PRTG: variants seen among roughly 807,000 people sequenced by gnomAD.
The protein encoded by PRTG is protogenin.
PRTG carries 67 observed loss-of-function variants against 122.5 expected under a neutral mutation model. The ratio of observed to expected loss-of-function variants is 0.55; its 90% confidence interval spans 0.45 to 0.67. PRTG has a LOEUF of 0.67. Among genes scored for constraint, PRTG ranks in the 30% least tolerant of loss-of-function variants. The pLI is 0.00. For synonymous variants in PRTG, 554 were observed against 501.1 expected, an observed-to-expected ratio of 1.11 and a Z score of -1.41; for missense variants, 1,435 against 1,415.4, an observed-to-expected ratio of 1.01 and a Z score of -0.22.
intron 2 of PRTG, among the ~76,000 whole-genome samples, 193 bp from the exon 3 acceptor site, chr15:55,684,124 T>C (rs1407213738): frequency 6.6e-6 from 1 of 152,252 alleles, no homozygotes; most frequent in Non-Finnish European, 1.5e-5. Context: ...TTACGAAGTC[T>C]GGTCTTTCCC....
At chr15:55,737,674 T>C (rs1360365653) in intron 2 of PRTG, among the ~76,000 whole-genome samples, 4 of 152,196 alleles carry the variant, frequency 2.6e-5, no homozygotes, top group Non-Finnish European at 1.5e-5. Context: ...TGTGAATTCC[T>C]AATTTACACA....
intron 2 of PRTG, among the ~76,000 whole-genome samples, chr15:55,709,857 G>A (rs946245774): frequency 1.3e-5 from 2 of 152,270 alleles, no homozygotes; most frequent in East Asian, 3.9e-4. Flanking sequence ...CGATGGGGAG[G>A]AGGGAGGGAC....
At chr15:55,641,288 T>C (rs2059289170) in intron 11 of PRTG, 80 bp from the exon 12 acceptor site, 3 of 1,093,340 alleles carry the variant, frequency 2.7e-6, no homozygotes, top group Non-Finnish European at 4.0e-6. Flanking sequence ...CTTTATAGAT[T>C]TTGGTTTAAA....
rs1411769188 is a variant in PRTG at position 55,615,314 on chromosome 15, T to C, written c.*4698A>G. 1 of 152,120 alleles carries C rather than the reference T, an allele frequency of 6.6e-6. No homozygotes were observed. The highest frequency in any genetic ancestry group is 1.9e-4 in the East Asian group (1 of 5,194). 9.4% of individuals were successfully genotyped at this position (152,120 alleles called of 1,614,324 possible). A position where few individuals can be genotyped will look rare whatever the true frequency, so the allele number is the denominator to read the frequency against. ...GTGTTATTTTAAGCCACCACCTTCA[T>C]GGTAATGTGTTACAGCAGCAATAGG... On this transcript the variant is annotated 3_prime_UTR_variant, in exon 20 of 20. Coordinates refer to ENST00000389286, the MANE Select transcript of PRTG (RefSeq NM_173814.6).
intron 19 of PRTG, among the ~76,000 whole-genome samples, 185 bp downstream of exon 19, chr15:55,620,478 T>A (rs2059160177): frequency 6.6e-6 from 1 of 152,204 alleles, no homozygotes; most frequent in South Asian, 2.1e-4. Flanking sequence ...ACAGCTCTGA[T>A]GACTATTCCA....
intron 17 of PRTG, among the ~76,000 whole-genome samples, chr15:55,624,901 G>C (rs1423557665): frequency 6.6e-6 from 1 of 152,106 alleles, no homozygotes; most frequent in Non-Finnish European, 1.5e-5. Flanking sequence ...AGTAATAAAT[G>C]TGCATAAATG....
intron 18 of PRTG, among the ~76,000 whole-genome samples, chr15:55,623,189 G>A (rs965568952): frequency 6.6e-6 from 1 of 152,086 alleles, no homozygotes; most frequent in Non-Finnish European, 1.5e-5. Context: ...GGGCCAGATC[G>A]TAACTATTTT....
chr15:55,657,706 A>C (rs945257641), intron 11 of PRTG, among the ~76,000 whole-genome samples: 12 of 152,182 alleles, frequency 7.9e-5, no homozygotes, highest in African/African-American at 2.9e-4. Flanking sequence ...GAAGTTTGTA[A>C]CTCAACTTAT....
At position 55,679,986 on chromosome 15, in the gene PRTG, A is replaced by G. The variant is rs28620386; in HGVS notation, c.973+68T>C. 8,987 of 1,251,928 alleles carry G rather than the reference A, an allele frequency of 7.2e-3. 277 individuals are homozygous for G. The African/African-American group carries it at 0.08, about 11-fold the overall frequency. The allele number at this position is 1,251,928 out of a possible 1,614,324, so 77.6% of individuals were successfully genotyped here. On this transcript the variant is annotated intron_variant, in intron 6 of 19. Coordinates refer to ENST00000389286, the MANE Select transcript of PRTG (RefSeq NM_173814.6). Reference sequence around the variant, plus strand: ...ACAAAGCTCAAGAAAGAAGTAAGCTATGAATGAGATAAAACGGCAAATGTT... The same window carrying G: ...ACAAAGCTCAAGAAAGAAGTAAGCTGTGAATGAGATAAAACGGCAAATGTT...
chr15:55,637,100 C>T (rs2059261650), intron 15 of PRTG, 70 bp downstream of exon 15: 1 of 1,201,432 alleles, frequency 8.3e-7, no homozygotes, highest in Non-Finnish European at 1.1e-6. Context: ...CTCTAGATTC[C>T]CCTTTCCTTT....
chr15:55,680,731 AAAC>A (rs1184878068), intron 4 of PRTG, 103 bp from the exon 5 acceptor site: 15 of 726,542 alleles, frequency 2.1e-5, no homozygotes, highest in Non-Finnish European at 2.4e-5. Flanking sequence ...TCTTTTTTTA[AAAC>A]AACTTTATTG....
chr15:55,710,436 C>T (rs2141853294), intron 2 of PRTG, among the ~76,000 whole-genome samples: 1 of 152,282 alleles, frequency 6.6e-6, no homozygotes, highest in South Asian at 2.1e-4. Flanking sequence ...TTTCTTCCCC[C>T]CAGGGAAAAG....
intron 11 of PRTG, among the ~76,000 whole-genome samples, chr15:55,648,807 C>A (rs999127538): frequency 2.0e-5 from 3 of 152,142 alleles, no homozygotes; most frequent in Non-Finnish European, 4.4e-5. Flanking sequence ...ACTTCAAAAA[C>A]CTCTGTATTG....
intron 11 of PRTG, among the ~76,000 whole-genome samples, chr15:55,664,191 G>A (rs1410848167): frequency 6.6e-6 from 1 of 152,034 alleles, no homozygotes; most frequent in Non-Finnish European, 1.5e-5. Flanking sequence ...GCCCAGGCTG[G>A]GGTGCAATGG....
Position 55,624,474 on chromosome 15 carries a change from T to C in PRTG, c.2961A>G (p.Gly987=), listed in dbSNP as rs1214172429. The C allele has an allele frequency of 6.2e-7, 1 of 1,613,846 alleles. No individual in the cohort carries two copies. Among genetic ancestry groups the C allele is most frequent in the Non-Finnish European group, 8.5e-7 (1 of 1,179,880 alleles). ...KSSASKTAQN[G]TQQLPRTSAS... ...CACTGGTACGAGGTAACTGTTGAGTTCCATTCTGTGCCGTCTTGGAAGCAG... is the reference window on the plus strand; with the variant it reads ...CACTGGTACGAGGTAACTGTTGAGTCCCATTCTGTGCCGTCTTGGAAGCAG... The change falls in exon 18 of 20, where the codon GGA becomes GGG. Residue 987 remains glycine (G), a synonymous_variant. Transcript: ENST00000389286.
intron 2 of PRTG, among the ~76,000 whole-genome samples, chr15:55,736,447 T>C (rs2031415825): frequency 6.6e-6 from 1 of 152,134 alleles, no homozygotes; most frequent in Admixed American, 6.6e-5. Context: ...TTTCAAAGAC[T>C]TGGTATTATA....
At chr15:55,673,288 A>T in intron 10 of PRTG, 83 bp downstream of exon 10, 1 of 998,212 alleles carries the variant, frequency 1.0e-6, no homozygotes, top group Non-Finnish European at 1.4e-6. Context: ...ACAAAATTTA[A>T]AAATATAAAC....
intron 11 of PRTG, among the ~76,000 whole-genome samples, chr15:55,663,689 C>T (rs1184078385): frequency 6.6e-6 from 1 of 151,886 alleles, no homozygotes; most frequent in African/African-American, 2.4e-5. Context: ...TTACAGGTAC[C>T]AGCCACCACG....
chr15:55,658,390 A>G (rs1360958485), intron 11 of PRTG, among the ~76,000 whole-genome samples: 1 of 151,164 alleles, frequency 6.6e-6, no homozygotes, highest in East Asian at 1.9e-4. Flanking sequence ...ATCTTGGCTC[A>G]TGGCAACCTC....
Sources: gnomAD v4.1 joint callset for allele counts (sites outside exome capture counted in the v4.1 genomes callset) on GRCh38, gnomAD v4.1.1 for gene constraint, MANE v1.5 for transcripts, NCBI Gene and HGNC (gene_info 2026-07-23, HGNC 2026-07-21) for gene names.